The following IGF2R variants were observed in gnomAD, a reference collection of about 807,000 sequenced individuals.
IGF2R encodes the protein insulin like growth factor 2 receptor, also known as cation-independent mannose-6-phosphate receptor.
In IGF2R, 91 loss-of-function variants were observed where a neutral mutation model predicts 270.6. That is an observed-to-expected ratio of 0.34 (90% confidence interval 0.28 to 0.40). IGF2R has a LOEUF of 0.40. Among genes scored for constraint, IGF2R ranks in the 10% least tolerant of loss-of-function variants. IGF2R has a pLI of 1.00. For synonymous variants in IGF2R, 1,316 were observed against 1,258.9 expected (o/e 1.05, Z -0.96); for missense variants, 2,805 against 3,188.3 (o/e 0.88, Z 2.90).
In IGF2R at chr6:160,109,567, G is replaced by T. The variant is rs1180785828; in HGVS notation, c.*4483G>T. 1 of 152,206 alleles carries T rather than the reference G, an allele frequency of 6.6e-6. No homozygotes were observed. Among genetic ancestry groups the T allele is most frequent in the Non-Finnish European group, 1.5e-5 (1 of 68,032 alleles). The allele number at this position is 152,206 out of a possible 1,614,324, so 9.4% of individuals were successfully genotyped here. On this transcript the variant is annotated 3_prime_UTR_variant, in exon 48 of 48. Coordinates refer to ENST00000356956, the MANE Select transcript of IGF2R (RefSeq NM_000876.4). ...GGTGCCACCATCAGAACCACAATATGTGGGGACGGTACTGCCAGCTAAGCC... is the reference window on the plus strand; with the variant it reads ...GGTGCCACCATCAGAACCACAATATTTGGGGACGGTACTGCCAGCTAAGCC...
At chr6:160,065,705 G>T (rs1021892897) in intron 29 of IGF2R, among the ~76,000 whole-genome samples, 2 of 149,388 alleles carry the variant, frequency 1.3e-5, no homozygotes, top group Non-Finnish European at 3.0e-5. Flanking sequence ...GCTGCCTTCA[G>T]TTTTCTGATA....
At chr6:159,981,588 T>A (rs950457341) in intron 1 of IGF2R, among the ~76,000 whole-genome samples, 1 of 152,200 alleles carries the variant, frequency 6.6e-6, no homozygotes, top group Non-Finnish European at 1.5e-5. Context: ...TTTCGATAGC[T>A]CTGTGTTCCT....
intron 10 of IGF2R, among the ~76,000 whole-genome samples, chr6:160,039,297 T>C (rs997976137): frequency 2.0e-5 from 3 of 152,228 alleles, no homozygotes; most frequent in Non-Finnish European, 4.4e-5. Context: ...TATCTAAATA[T>C]ATCTAAACAT....
At chr6:160,093,354 G>C (rs77926824) in intron 44 of IGF2R, 4 of 263,714 alleles carry the variant, frequency 1.5e-5, no homozygotes, top group Non-Finnish European at 3.0e-5. Flanking sequence ...TTTTGGGCAA[G>C]GTTAAATTCT....
chr6:160,067,553 G>A (rs948116304), intron 29 of IGF2R, among the ~76,000 whole-genome samples: 2 of 152,154 alleles, frequency 1.3e-5, no homozygotes, highest in African/African-American at 4.8e-5. Context: ...CCCCAGTTTA[G>A]CACACAGCTT....
intron 35 of IGF2R, 57 bp downstream of exon 35, chr6:160,074,032 C>T: frequency 1.6e-6 from 2 of 1,278,208 alleles, no homozygotes; most frequent in South Asian, 2.6e-5. Flanking sequence ...TAGTGATAAC[C>T]TTTGCGTTGT....
At chr6:160,048,031 A>T in intron 17 of IGF2R, 124 bp downstream of exon 17, 1 of 727,070 alleles carries the variant, frequency 1.4e-6, no homozygotes, top group Non-Finnish European at 2.4e-6. Flanking sequence ...TGCAGGACCA[A>T]GGTGGGGCAT....
intron 13 of IGF2R, among the ~76,000 whole-genome samples, chr6:160,045,239 C>T (rs1250592598): frequency 2.6e-5 from 4 of 152,152 alleles, no homozygotes; most frequent in South Asian, 2.1e-4. Flanking sequence ...ATTAATAGCG[C>T]GTTTCCAGTG....
In IGF2R at chr6:160,046,489, C is replaced by T. The variant is rs1314981769; in HGVS notation, c.1904-9C>T. On this transcript the variant is annotated splice_polypyrimidine_tract_variant and intron_variant, in intron 14 of 47. Coordinates refer to ENST00000356956, the MANE Select transcript of IGF2R (RefSeq NM_000876.4). The stretch of plus-strand genomic sequence containing the variant: ...CTTCCATACTTTTATTGTTTTTATT[C>T]TTTCTTAGGGTTTTCTTTTGACTTA... 3 of 1,598,786 alleles carry T rather than the reference C, an allele frequency of 1.9e-6. No homozygotes were observed. In the Admixed American group the frequency reaches 5.5e-5, roughly 29 times the overall value.
intron 41 of IGF2R, among the ~76,000 whole-genome samples, chr6:160,087,668 G>A (rs769804442): frequency 1.3e-5 from 2 of 152,082 alleles, no homozygotes; most frequent in African/African-American, 4.8e-5. Flanking sequence ...TTGTTTGTTT[G>A]TTTTTTGTTT....
chr6:160,065,808 GTGTGTGTATA>G (rs1184097380), intron 29 of IGF2R, among the ~76,000 whole-genome samples: 1 of 55,146 alleles, frequency 1.8e-5, no homozygotes, highest in African/African-American at 8.9e-5. Context: ...GTGTGTGTGT[GTGTGTGTATA>G]TATATATATA....
rs765047335 is a variant in IGF2R at position 160,069,926 on chromosome 6, C to T, written c.4311C>T (p.Leu1437=). 20 of 1,614,050 alleles carry T rather than the reference C, an allele frequency of 1.2e-5. No homozygotes were observed. Among genetic ancestry groups the T allele is most frequent in the Middle Eastern group, 1.6e-4 (1 of 6,080 alleles). Residue 1437 remains leucine (L), a synonymous_variant, in exon 31 of 48, where the codon CTC becomes CTT. Coordinates refer to ENST00000356956, the MANE Select transcript of IGF2R (RefSeq NM_000876.4). The part of the protein sequence containing the change: ...CLLGGSKPVN[L]GRVRDGPQWR... ...TGGGTGGCTCCAAGCCCGTGAACCT[C>T]GGCAGGGTAAGGGACGGACCTCAGT...
intron 10 of IGF2R, among the ~76,000 whole-genome samples, chr6:160,035,823 C>A (rs1019468354): frequency 2.0e-5 from 3 of 152,088 alleles, no homozygotes; most frequent in Non-Finnish European, 4.4e-5. Flanking sequence ...TTAGTGTTGT[C>A]GCTCCGCTGC....
intron 19 of IGF2R, among the ~76,000 whole-genome samples, chr6:160,054,802 G>A (rs1261550689): frequency 6.6e-6 from 1 of 152,144 alleles, no homozygotes; most frequent in Non-Finnish European, 1.5e-5. Context: ...ATGGTTAGGA[G>A]AGTGGAGAGA....
chr6:160,027,682 C>G (rs1583268044), intron 6 of IGF2R, among the ~76,000 whole-genome samples: 1 of 152,212 alleles, frequency 6.6e-6, no homozygotes, highest in South Asian at 2.1e-4. Flanking sequence ...GGGCAAGAGA[C>G]AGGAGGGACA....
At chr6:160,023,734 C>T (rs1777490150) in intron 4 of IGF2R, among the ~76,000 whole-genome samples, 1 of 152,148 alleles carries the variant, frequency 6.6e-6, no homozygotes, top group African/African-American at 2.4e-5. Context: ...GCTGTGTAAG[C>T]CTGCAGTTCT....
In IGF2R at chr6:160,090,326, A is replaced by G. The variant is rs945724499; in HGVS notation, c.6655+223A>G. 18 of 346,488 alleles carry G rather than the reference A, an allele frequency of 5.2e-5. No homozygotes were observed. The Admixed American group carries it at 5.4e-4, about 10-fold the overall frequency. The allele number at this position is 346,488 out of a possible 1,614,324, so 21.5% of individuals were successfully genotyped here. ...AAATTGTGTCTTAGTTATCAAGTAA[A>G]TGTACAAAAAAACTAAAACCTGGTC... is the stretch of plus-strand genomic sequence containing the variant. On this transcript the variant is annotated intron_variant, in intron 44 of 47. Transcript: ENST00000356956.
At chr6:160,092,736 T>G (rs1779254181) in intron 44 of IGF2R, among the ~76,000 whole-genome samples, 1 of 152,176 alleles carries the variant, frequency 6.6e-6, no homozygotes, top group African/African-American at 2.4e-5. Context: ...CAAGCGAGAA[T>G]GTGGGGCCCT....
intron 4 of IGF2R, among the ~76,000 whole-genome samples, chr6:160,023,735 C>T (rs1777490222): frequency 6.6e-6 from 1 of 152,170 alleles, no homozygotes; most frequent in Admixed American, 6.5e-5. Flanking sequence ...CTGTGTAAGC[C>T]TGCAGTTCTG....
Sources: gnomAD v4.1 joint callset for allele counts (sites outside exome capture counted in the v4.1 genomes callset) on GRCh38, gnomAD v4.1.1 for gene constraint, MANE v1.5 for transcripts, NCBI Gene and HGNC (gene_info 2026-07-23, HGNC 2026-07-21) for gene names.